Variants in PRKD1 observed in about 807,000 individuals in gnomAD.
The protein encoded by PRKD1 is serine/threonine-protein kinase D1.
In PRKD1, 63 loss-of-function variants were observed where a neutral mutation model predicts 95.9. That is an observed-to-expected ratio of 0.66 (90% CI 0.54 to 0.81). PRKD1 has a LOEUF of 0.81. Ranked by LOEUF, PRKD1 falls within the 30% of genes least tolerant of loss-of-function variation. The pLI is 0.00. For missense variants in PRKD1, 1,048 were observed against 1,165.3 expected (o/e 0.90, Z 1.47); for synonymous variants, 425 against 423.1 (o/e 1.00, Z -0.05).
In PRKD1 at chr14:29,909,321, C is replaced by T. The variant is rs1045431691; in HGVS notation, c.264+17928G>A. 1.3e-4 allele frequency among the ~76,000 whole-genome samples: 19 copies of T among 149,936 alleles called. No individual in the cohort carries two copies. The Middle Eastern group carries it at 0.014, about 107-fold the overall frequency. Reference sequence around the variant, plus strand: ...GCCCCCCATGGGCTCCTGCACAGCCCGAGCCTCCCCAGTGAGTGCCATCCC... The same window carrying T: ...GCCCCCCATGGGCTCCTGCACAGCCTGAGCCTCCCCAGTGAGTGCCATCCC... On this transcript the variant is annotated intron_variant, in intron 1 of 17. Transcript: ENST00000331968.
At chr14:29,628,196 GTTTAC>G (rs1166983133) in intron 11 of PRKD1, among the ~76,000 whole-genome samples, 4 of 152,288 alleles carry the variant, frequency 2.6e-5, no homozygotes, top group African/African-American at 4.8e-5. Context: ...ATATTTGGCT[GTTTAC>G]TTTATGCCAC....
chr14:29,638,164 T>C (rs1880505736), intron 6 of PRKD1: 2 of 284,384 alleles, frequency 7.0e-6, no homozygotes, highest in African/African-American at 2.2e-5. Flanking sequence ...GAGCTATAAC[T>C]TGTAGGCAGC....
At chr14:29,619,891 G>C (rs1361595103) in intron 13 of PRKD1, among the ~76,000 whole-genome samples, 1 of 151,984 alleles carries the variant, frequency 6.6e-6, no homozygotes, top group Non-Finnish European at 1.5e-5. Context: ...AAAGAACAAA[G>C]CTGGAGGCAT....
intron 16 of PRKD1, among the ~76,000 whole-genome samples, chr14:29,587,554 C>T (rs957066100): frequency 6.6e-6 from 1 of 152,140 alleles, no homozygotes; most frequent in Non-Finnish European, 1.5e-5. Flanking sequence ...ATTTACAATG[C>T]CAATGTGCTT....
At chr14:29,795,119 AT>A (rs1012507401) in intron 1 of PRKD1, among the ~76,000 whole-genome samples, 21 of 152,066 alleles carry the variant, frequency 1.4e-4, no homozygotes, top group African/African-American at 4.8e-4. Flanking sequence ...ACTCTTAAAC[AT>A]TTTCATTCAT....
Position 29,826,772 on chromosome 14 carries a change from C to T in PRKD1, c.264+100477G>A, listed in dbSNP as rs796373452. ...ATATATATATACATATATATATACA[C>T]ATATATATACATATATACACATATA... On this transcript the variant is annotated intron_variant, in intron 1 of 17. Transcript: ENST00000331968. Among the ~76,000 whole-genome samples the T allele has an allele frequency of 6.3e-3, 133 of 21,126 alleles. 12 individuals are homozygous for T. Among genetic ancestry groups the T allele is most frequent in the African/African-American group, 0.016 (93 of 5,886 alleles). 13.9% of individuals were successfully genotyped at this position (21,126 alleles called of 152,430 possible).
intron 1 of PRKD1, among the ~76,000 whole-genome samples, chr14:29,784,002 T>C (rs1889160892): frequency 6.6e-6 from 1 of 152,188 alleles, no homozygotes; most frequent in South Asian, 2.1e-4. Context: ...CTTTTGTTTT[T>C]GTTGGCTGTG....
chr14:29,883,938 T>C (rs907987381), intron 1 of PRKD1, among the ~76,000 whole-genome samples: 2 of 152,222 alleles, frequency 1.3e-5, no homozygotes, highest in Non-Finnish European at 2.9e-5. Flanking sequence ...GATTTTATTT[T>C]TAACCTCCCC....
At position 29,597,589 on chromosome 14, in the gene PRKD1, C is replaced by A. The variant is rs778162256; in HGVS notation, c.2336G>T (p.Gly779Val). 69 of 1,613,888 alleles carry A rather than the reference C, an allele frequency of 4.3e-5. No homozygotes were observed. Among genetic ancestry groups the A allele is most frequent in the Non-Finnish European group, 8.5e-7 (1 of 1,179,978 alleles). Reference protein sequence around the residue: ...VGVIIYVSLSGTFPFNEDEDI... With the variant: ...VGVIIYVSLSVTFPFNEDEDI... ...TTCATCTTCATTAAATGGGAATGTG[C>A]CGCTTAGGCTTACATAGATGATGAC... Residue 779 changes from glycine (G) to valine (V), a missense_variant, in exon 16 of 18, where the codon GGC (glycine) becomes GTC (valine). Physicochemically the swap from Gly to Val is moderately radical, Grantham distance 109 (BLOSUM62 -3). This residue lies in a region of PRKD1 where 739 missense variants were observed against 861.9 expected (regional missense o/e 0.86). Coordinates refer to ENST00000331968, the MANE Select transcript of PRKD1 (RefSeq NM_002742.3).
intron 1 of PRKD1, among the ~76,000 whole-genome samples, chr14:29,736,232 T>C (rs537547125): frequency 6.6e-5 from 10 of 152,332 alleles, no homozygotes; most frequent in Admixed American, 3.3e-4. Flanking sequence ...CTTTTATTAC[T>C]GGATAAAAAT....
At chr14:29,879,741 G>A (rs1893435697) in intron 1 of PRKD1, among the ~76,000 whole-genome samples, 2 of 152,154 alleles carry the variant, frequency 1.3e-5, no homozygotes, top group African/African-American at 4.8e-5. Context: ...ATAGTGATAG[G>A]AACAATAAGG....
chr14:29,602,795 A>G (rs1893570173), intron 13 of PRKD1, among the ~76,000 whole-genome samples: 1 of 152,182 alleles, frequency 6.6e-6, no homozygotes, highest in Non-Finnish European at 1.5e-5. Flanking sequence ...ACTCCACAAC[A>G]TGACCTGAGG....
At chr14:29,827,154 A>G (rs1891230638) in intron 1 of PRKD1, among the ~76,000 whole-genome samples, 2 of 151,724 alleles carry the variant, frequency 1.3e-5, no homozygotes, top group Non-Finnish European at 1.5e-5. Context: ...GGGTGCACCA[A>G]AATTTCATAG....
At chr14:29,579,786 C>T (rs528129970) in intron 16 of PRKD1, among the ~76,000 whole-genome samples, 1 of 152,200 alleles carries the variant, frequency 6.6e-6, no homozygotes, top group African/African-American at 2.4e-5. Context: ...CAACAACACA[C>T]ATTTAAATGT....
chr14:29,914,407 T>C lies in PRKD1; in HGVS notation c.264+12842A>G, dbSNP rs145650281. Among the ~76,000 whole-genome samples the C allele has an allele frequency of 9.5e-3, 1,440 of 152,310 alleles. 12 individuals are homozygous for C. Among genetic ancestry groups the C allele is most frequent in the African/African-American group, 0.033 (1,386 of 41,562 alleles). On this transcript the variant is annotated intron_variant, in intron 1 of 17. Coordinates refer to ENST00000331968, the MANE Select transcript of PRKD1 (RefSeq NM_002742.3). ...ACAAACTTTATTAAAAGAATAAACA[T>C]ACATATTTGTGAAGAATGACCCTTA...
chr14:29,856,169 A>T (rs1187144906), intron 1 of PRKD1, among the ~76,000 whole-genome samples: 1 of 152,152 alleles, frequency 6.6e-6, no homozygotes, highest in African/African-American at 2.4e-5. Flanking sequence ...CCAATTGGAA[A>T]AATGCTAGAA....
intron 4 of PRKD1, among the ~76,000 whole-genome samples, chr14:29,639,651 A>G (rs2139140242): frequency 6.6e-6 from 1 of 151,978 alleles, no homozygotes; most frequent in Admixed American, 6.6e-5. Flanking sequence ...AATAAAAGAA[A>G]AAGAAAAAGA....
At chr14:29,883,539 T>C (rs1424381537) in intron 1 of PRKD1, among the ~76,000 whole-genome samples, 1 of 152,198 alleles carries the variant, frequency 6.6e-6, no homozygotes, top group Non-Finnish European at 1.5e-5. Flanking sequence ...AATCCAAACA[T>C]CAAGTCTGTT....
At chr14:29,789,818 C>T (rs1444430403) in intron 1 of PRKD1, among the ~76,000 whole-genome samples, 1 of 152,026 alleles carries the variant, frequency 6.6e-6, no homozygotes, top group Non-Finnish European at 1.5e-5. Flanking sequence ...TTCCCAGGCA[C>T]CCAAATGACA....
Sources: gnomAD v4.1 joint callset for allele counts (sites outside exome capture counted in the v4.1 genomes callset) on GRCh38, gnomAD v4.1.1 for gene constraint, gnomAD v4.1.1 regional missense constraint, MANE v1.5 for transcripts, NCBI Gene and HGNC (gene_info 2026-07-23, HGNC 2026-07-21) for gene names.